The following UBXN2A variants were observed in gnomAD, a reference collection of about 807,000 sequenced individuals.
UBXN2A encodes the protein UBX domain-containing protein 2A.
Under a neutral mutation model 28.4 loss-of-function variants are expected in UBXN2A, and 28 were observed. The ratio of observed to expected loss-of-function variants is 0.99; its 90% confidence interval spans 0.73 to 1.35. UBXN2A has a LOEUF of 1.35. Ranked by LOEUF, UBXN2A falls within the 40% of genes most tolerant of loss-of-function variation. UBXN2A has a pLI of 0.00. For synonymous variants in UBXN2A, 97 were observed against 103.6 expected, an observed-to-expected ratio of 0.94 and a Z score of 0.39; for missense variants, 253 against 297.9, an observed-to-expected ratio of 0.85 and a Z score of 1.11.
chr2:23,928,154 T>C (rs1705170030), intron 1 of UBXN2A, among the ~76,000 whole-genome samples: 1 of 138,222 alleles, frequency 7.2e-6, no homozygotes, highest in Admixed American at 7.9e-5. Flanking sequence ...CCAGCCTGGA[T>C]GACAGAGCCA....
chr2:23,951,510 A>T (rs986618021), intron 1 of UBXN2A, among the ~76,000 whole-genome samples: 5 of 146,670 alleles, frequency 3.4e-5, no homozygotes, highest in Admixed American at 2.0e-4. Flanking sequence ...ACCCAGGCTG[A>T]AGTGCAGTGG....
intron 6 of UBXN2A, among the ~76,000 whole-genome samples, chr2:23,985,736 C>T (rs1252419305): frequency 6.6e-6 from 1 of 152,152 alleles, no homozygotes; most frequent in Non-Finnish European, 1.5e-5. Flanking sequence ...TGGCCCATGC[C>T]TGTAATCCCA....
intron 1 of UBXN2A, among the ~76,000 whole-genome samples, chr2:23,955,003 G>T (rs1410830375): frequency 2.0e-5 from 3 of 148,592 alleles, no homozygotes; most frequent in Non-Finnish European, 4.4e-5. Flanking sequence ...TGCAATTTCG[G>T]CTCACTGCAA....
intron 2 of UBXN2A, among the ~76,000 whole-genome samples, chr2:23,969,704 G>A (rs573998940): frequency 2.0e-5 from 3 of 152,260 alleles, no homozygotes; most frequent in African/African-American, 7.2e-5. Context: ...GGCAATGTGT[G>A]CCTGTAGAAC....
At chr2:23,940,018 G>A (rs1163376362), upstream of UBXN2A, among the ~76,000 whole-genome samples, 1 of 151,330 alleles carries the variant, frequency 6.6e-6, no homozygotes, top group African/African-American at 2.4e-5. Context: ...GCTGAGGCAG[G>A]AGAATCGCTC....
At chr2:23,939,266 C>T (rs1163868184), upstream of UBXN2A, among the ~76,000 whole-genome samples, 1 of 151,986 alleles carries the variant, frequency 6.6e-6, no homozygotes, top group African/African-American at 2.4e-5. Flanking sequence ...TCTGGATATA[C>T]GTAAGGAGAG....
chr2:23,949,244 G>C (rs1706244845), intron 1 of UBXN2A, among the ~76,000 whole-genome samples: 1 of 150,144 alleles, frequency 6.7e-6, no homozygotes, highest in Non-Finnish European at 1.5e-5. Flanking sequence ...TTACAGGCAT[G>C]AGCCACCACA....
chr2:23,952,258 C>G (rs1706408466), intron 1 of UBXN2A, among the ~76,000 whole-genome samples: 1 of 151,874 alleles, frequency 6.6e-6, no homozygotes, highest in Admixed American at 6.6e-5. Context: ...TGAGCCATCA[C>G]ACCCGGCTGC....
chr2:23,944,210 C>A lies in UBXN2A; in HGVS notation c.-15+3562C>A, dbSNP rs537857774. On this transcript the variant is annotated intron_variant, in intron 1 of 6. Coordinates refer to ENST00000309033, the MANE Select transcript of UBXN2A (RefSeq NM_181713.4). The stretch of plus-strand genomic sequence containing the variant: ...ACACAACTAAGTTTGCACTCGTCTT[C>A]CCTCTCATGTATCATACCTGGAATG... 165 of 1,554,238 alleles carry A rather than the reference C, an allele frequency of 1.1e-4. 1 individual carries two copies. In the African/African-American group the frequency reaches 1.8e-3, roughly 17 times the overall value.
At chr2:23,958,710 T>G (rs548944904) in intron 2 of UBXN2A, among the ~76,000 whole-genome samples, 189 of 152,358 alleles carry the variant, frequency 1.2e-3, no homozygotes, top group Non-Finnish European at 2.1e-3. Context: ...TAGGCTTGAA[T>G]CCCGTCTCTG....
At chr2:23,927,656 A>G (rs1223051559) in intron 1 of UBXN2A, 2 of 151,412 alleles carry the variant, frequency 1.3e-5, no homozygotes, top group African/African-American at 4.9e-5. Flanking sequence ...ACACCATGCT[A>G]GAACTCTGCG....
At chr2:23,987,843 G>A (rs893006036) in intron 6 of UBXN2A, among the ~76,000 whole-genome samples, 3 of 149,386 alleles carry the variant, frequency 2.0e-5, no homozygotes, top group Admixed American at 2.0e-4. Context: ...ACTTTTCTTG[G>A]CCAGGTGCAG....
chr2:23,955,985 C>T (rs1426642942), intron 1 of UBXN2A, among the ~76,000 whole-genome samples: 2 of 152,192 alleles, frequency 1.3e-5, no homozygotes, highest in Non-Finnish European at 2.9e-5. Context: ...ATGCCTCAGC[C>T]TCCTGAGTAG....
chr2:23,958,071 A>G (rs981912549), intron 1 of UBXN2A, among the ~76,000 whole-genome samples: 1 of 152,178 alleles, frequency 6.6e-6, no homozygotes, highest in African/African-American at 2.4e-5. Context: ...GTCAAATGGT[A>G]TATTATACTT....
At chr2:23,934,215 T>TA (rs150284800) in intron 1 of UBXN2A, among the ~76,000 whole-genome samples, 12,081 of 146,044 alleles carry the variant, frequency 0.083, 598 homozygotes, top group South Asian at 0.12. Flanking sequence ...TGTGTTAAAA[T>TA]AAAAAAAAAA....
At chr2:23,988,799 T>G (rs1233159441) in intron 6 of UBXN2A, among the ~76,000 whole-genome samples, 2 of 152,224 alleles carry the variant, frequency 1.3e-5, no homozygotes, top group Non-Finnish European at 2.9e-5. Context: ...GCTATTTTAT[T>G]CAATAGTTTA....
intron 1 of UBXN2A, chr2:23,944,224 A>G: frequency 1.3e-6 from 2 of 1,586,856 alleles, no homozygotes; most frequent in Admixed American, 1.7e-5. Flanking sequence ...CTCATGTATC[A>G]TACCTGGAAT....
intron 6 of UBXN2A, 69 bp from the exon 7 acceptor site, chr2:23,999,600 AGTT>A (rs76598361): frequency 0.025 from 36,591 of 1,452,412 alleles, 522 homozygotes; most frequent in Non-Finnish European, 0.029. Context: ...TACTTTTACC[AGTT>A]GTTGTTACTA....
Position 23,971,293 on chromosome 2 carries a change from C to A in UBXN2A, c.59C>A (p.Ser20Tyr). 6.4e-7 allele frequency: 1 copy of A among 1,564,452 alleles called. No homozygotes were observed. The highest frequency in any genetic ancestry group is 1.2e-5 in the South Asian group (1 of 83,636). The change falls in exon 3 of 7, where the codon TCT (serine) becomes TAT (tyrosine). Residue 20 changes from serine to tyrosine, a missense_variant. Coordinates refer to ENST00000309033, the MANE Select transcript of UBXN2A (RefSeq NM_181713.4). ...IKEEWVCETG[S>Y]DNQPLGNNQQ... is the part of the protein sequence containing the mutation. Reference sequence around the variant, plus strand: ...TTGTTTAGGGTTTGTGAAACAGGATCTGATAATCAACCTCTTGGTAATAAT... The same window carrying A: ...TTGTTTAGGGTTTGTGAAACAGGATATGATAATCAACCTCTTGGTAATAAT...
Sources: allele counts gnomAD v4.1 joint callset (sites outside exome capture counted in the v4.1 genomes callset), GRCh38; gene constraint gnomAD v4.1.1; transcripts MANE v1.5; gene names NCBI Gene and HGNC (gene_info 2026-07-23, HGNC 2026-07-21).